Variants in ELOVL6 observed in about 807,000 individuals in gnomAD.
The protein encoded by ELOVL6 is very long chain fatty acid elongase 6.
Under a neutral mutation model 31.7 loss-of-function variants are expected in ELOVL6, and 8 were observed. The ratio of observed to expected loss-of-function variants is 0.25; its 90% confidence interval spans 0.15 to 0.45. The LOEUF is 0.45. Among genes scored for constraint, ELOVL6 ranks in the 20% least tolerant of loss-of-function variants. The pLI is 1.00. For missense variants in ELOVL6, 126 were observed against 326.4 expected (o/e 0.39, Z 4.73); for synonymous variants, 101 against 117.7 (o/e 0.86, Z 0.92).
At position 110,050,531 on chromosome 4, in the gene ELOVL6, A is replaced by G. The variant is rs1754812409; in HGVS notation, c.*807T>C. On this transcript the variant is annotated 3_prime_UTR_variant, in exon 4 of 4. Transcript: ENST00000302274. Reference sequence around the variant, plus strand: ...GCCCGGGGCAACTGAACAAAAGGATAATGCTTCATATCTCACTTAAGAGTA... The same window carrying G: ...GCCCGGGGCAACTGAACAAAAGGATGATGCTTCATATCTCACTTAAGAGTA... 6.6e-6 allele frequency: 1 copy of G among 152,232 alleles called. No homozygotes were observed. Among genetic ancestry groups the G allele is most frequent in the Admixed American group, 6.5e-5 (1 of 15,282 alleles). The allele number at this position is 152,232 out of a possible 1,614,324, so 9.4% of individuals were successfully genotyped here. A position where few individuals can be genotyped will look rare whatever the true frequency, so the allele number is the denominator to read the frequency against.
intron 1 of ELOVL6, among the ~76,000 whole-genome samples, chr4:110,172,839 T>C (rs1278543399): frequency 1.3e-5 from 2 of 152,188 alleles, no homozygotes; most frequent in Non-Finnish European, 2.9e-5. Flanking sequence ...CCCTGGAATA[T>C]GGAGACTTTT....
chr4:110,178,456 C>T (rs772102705), intron 1 of ELOVL6, among the ~76,000 whole-genome samples: 5 of 151,676 alleles, frequency 3.3e-5, no homozygotes, highest in East Asian at 1.9e-4. Flanking sequence ...GCAGAAGAAT[C>T]GCTTGAACTG....
intron 1 of ELOVL6, among the ~76,000 whole-genome samples, chr4:110,150,683 T>TG (rs1560846041): frequency 7.9e-5 from 12 of 152,198 alleles, no homozygotes; most frequent in African/African-American, 1.2e-4. Flanking sequence ...CATTGTATGA[T>TG]CCTTTCATTT....
intron 1 of ELOVL6, among the ~76,000 whole-genome samples, chr4:110,152,262 G>A (rs1578263881): frequency 6.6e-6 from 1 of 152,164 alleles, no homozygotes; most frequent in Non-Finnish European, 1.5e-5. Flanking sequence ...ACTTCTCTTT[G>A]CAGAGAATTA....
intron 1 of ELOVL6, among the ~76,000 whole-genome samples, chr4:110,178,275 C>T (rs150090712): frequency 4.7e-4 from 72 of 152,258 alleles, no homozygotes; most frequent in African/African-American, 1.7e-3. Flanking sequence ...GAGCCGTGCA[C>T]AGTGGCTCAC....
At chr4:110,081,376 T>C (rs1023915644) in intron 2 of ELOVL6, among the ~76,000 whole-genome samples, 2 of 152,164 alleles carry the variant, frequency 1.3e-5, no homozygotes, top group African/African-American at 4.8e-5. Flanking sequence ...AACAGCATGG[T>C]ACTGGTACCA....
chr4:110,151,856 C>T (rs953246430), intron 1 of ELOVL6, among the ~76,000 whole-genome samples: 7 of 152,094 alleles, frequency 4.6e-5, no homozygotes, highest in Non-Finnish European at 5.9e-5. Flanking sequence ...TTTAAAAGTC[C>T]GTTGTTGCCT....
intron 2 of ELOVL6, among the ~76,000 whole-genome samples, chr4:110,065,217 T>C (rs535009133): frequency 4.6e-5 from 7 of 152,372 alleles, no homozygotes; most frequent in African/African-American, 1.7e-4. Flanking sequence ...ATTTTTAGAA[T>C]AAAAGTTTAG....
At chr4:110,096,932 G>A (rs1291658307) in intron 2 of ELOVL6, among the ~76,000 whole-genome samples, 1 of 152,060 alleles carries the variant, frequency 6.6e-6, no homozygotes, top group Non-Finnish European at 1.5e-5. Flanking sequence ...AAACTGAACA[G>A]GATAATAACA....
In ELOVL6 at chr4:110,051,632, A is replaced by G. The variant is rs760961477; in HGVS notation, c.504T>C (p.Thr168=). ...TCACGGCGTGCACGCCATAGTTCAT[A>G]GTCATGAACCAACCTCCCCCGGCAA... ...DMVAGGGWFM[T]MNYGVHAVMY... is the part of the protein sequence containing the mutation. Residue 168 remains threonine (T), a synonymous_variant, in exon 4 of 4, where the codon ACT becomes ACC. Transcript: ENST00000302274. The surrounding 1 kb of genome is among the most constrained non-coding windows in gnomAD (Gnocchi z 4.8). The G allele has an allele frequency of 1.2e-6, 2 of 1,614,210 alleles. No homozygotes were observed. The highest frequency in any genetic ancestry group is 2.2e-5 in the East Asian group (1 of 44,856).
At chr4:110,145,583 G>A (rs1422741858) in intron 1 of ELOVL6, among the ~76,000 whole-genome samples, 1 of 152,122 alleles carries the variant, frequency 6.6e-6, no homozygotes, top group Non-Finnish European at 1.5e-5. Flanking sequence ...AACAGATGTG[G>A]GTTTGAATTC....
intron 1 of ELOVL6, among the ~76,000 whole-genome samples, chr4:110,161,823 G>T (rs935381435): frequency 6.6e-6 from 1 of 152,154 alleles, no homozygotes; most frequent in African/African-American, 2.4e-5. Context: ...GTTATGTGTT[G>T]ATCAGAAATA....
rs574372526 is a variant in ELOVL6 at position 110,193,080 on chromosome 4, A to G, written c.89+5167T>C. ...TGTAGAAGGTTGCAAGGAAGACTTCAGGAAGCAATTCAAAGCAATCCTCAC... is the reference window on the plus strand; with the variant it reads ...TGTAGAAGGTTGCAAGGAAGACTTCGGGAAGCAATTCAAAGCAATCCTCAC... On this transcript the variant is annotated intron_variant, in intron 1 of 3. Coordinates refer to ENST00000302274, the MANE Select transcript of ELOVL6 (RefSeq NM_024090.3). Among the ~76,000 whole-genome samples the G allele has an allele frequency of 8.7e-4, 133 of 152,368 alleles. 1 individual carries two copies. Among genetic ancestry groups the G allele is most frequent in the Non-Finnish European group, 1.1e-3 (74 of 68,038 alleles).
At chr4:110,100,867 A>G (rs548583424) in intron 2 of ELOVL6, among the ~76,000 whole-genome samples, 1 of 152,320 alleles carries the variant, frequency 6.6e-6, no homozygotes, top group South Asian at 2.1e-4. Context: ...TGAGCAAAGA[A>G]TTTCTATATT....
At chr4:110,116,033 C>A (rs1048457858) in intron 1 of ELOVL6, among the ~76,000 whole-genome samples, 1 of 152,154 alleles carries the variant, frequency 6.6e-6, no homozygotes, top group Non-Finnish European at 1.5e-5. Flanking sequence ...TGTTAAGAAC[C>A]CTGTGAATAT....
At chr4:110,167,669 G>A (rs992328099) in intron 1 of ELOVL6, among the ~76,000 whole-genome samples, 33 of 142,950 alleles carry the variant, frequency 2.3e-4, no homozygotes, top group African/African-American at 9.5e-4. Context: ...ATGTATGTAT[G>A]TATGTATGTA....
At chr4:110,123,230 T>C (rs539265376) in intron 1 of ELOVL6, among the ~76,000 whole-genome samples, 26 of 152,370 alleles carry the variant, frequency 1.7e-4, no homozygotes, top group African/African-American at 4.8e-4. Context: ...GAAACTCTGC[T>C]TCAAACTCAC....
chr4:110,151,194 A>C (rs1758269933), intron 1 of ELOVL6, among the ~76,000 whole-genome samples: 1 of 151,750 alleles, frequency 6.6e-6, no homozygotes, highest in Non-Finnish European at 1.5e-5. Flanking sequence ...CTTGGGACCA[A>C]CCAGAAGTGT....
intron 3 of ELOVL6, among the ~76,000 whole-genome samples, chr4:110,055,272 TA>T (rs1172335045): frequency 6.6e-6 from 1 of 152,204 alleles, no homozygotes; most frequent in Admixed American, 6.5e-5. Context: ...TTCCAGAAGC[TA>T]TAGAGTGACC....
Sources: gnomAD v4.1 joint callset for allele counts (sites outside exome capture counted in the v4.1 genomes callset) on GRCh38, gnomAD v4.1.1 for gene constraint, Gnocchi (gnomAD v3.1) non-coding constraint, MANE v1.5 for transcripts, NCBI Gene and HGNC (gene_info 2026-07-23, HGNC 2026-07-21) for gene names.